Variants in DAB1 observed in about 807,000 individuals in gnomAD.
DAB1 encodes DAB adaptor protein 1.
Under a neutral mutation model 64.6 loss-of-function variants are expected in DAB1, and 15 were observed. The ratio of observed to expected loss-of-function variants is 0.23; its 90% CI spans 0.16 to 0.36. The LOEUF (loss-of-function observed/expected upper bound fraction) is 0.36. Among genes scored for constraint, DAB1 ranks in the 10% least tolerant of loss-of-function variants. The pLI, the probability that DAB1 is intolerant of heterozygous loss-of-function variation, is 1.00. For missense variants in DAB1, 596 were observed against 706.7 expected, an observed-to-expected ratio of 0.84 and a Z score of 1.78; for synonymous variants, 235 against 251.9, an observed-to-expected ratio of 0.93 and a Z score of 0.64.
chr1:58,062,053 AG>A (rs1169810033), intron 5 of DAB1, among the ~76,000 whole-genome samples: 1 of 152,262 alleles, frequency 6.6e-6, no homozygotes, highest in East Asian at 1.9e-4. Context: ...TTTAATGACT[AG>A]CCTTGGGCTA....
rs1558381415 is a variant in DAB1, at chr1:57,439,426, T to TTTTTGTTTTTTTTTG, written n.626-148261_626-148260insCAAAAAAAAACAAAA. On this transcript the variant is annotated intron_variant and non_coding_transcript_variant, in intron 7 of 20. Coordinates refer to the DAB1 transcript ENST00000485760. ...ATCAACTTGGTGATGAGGTTTTTTCTTTTTTTTTTTTTTTTTTTTTTGAGA... is the reference window on the plus strand; with the variant it reads ...ATCAACTTGGTGATGAGGTTTTTTCTTTTTGTTTTTTTTTGTTTTTTTTTTTTTTTTTTTTTGAGA... 5.3e-5 allele frequency among the ~76,000 whole-genome samples: 5 copies of TTTTTGTTTTTTTTTG among 94,850 alleles called. No individual in the cohort carries two copies. The East Asian group carries it at 8.3e-4, about 16-fold the overall frequency. 62.2% of individuals were successfully genotyped at this position (94,850 alleles called of 152,430 possible).
At chr1:57,615,613 T>C (rs865905578) in intron 7 of DAB1, among the ~76,000 whole-genome samples, 1 of 152,234 alleles carries the variant, frequency 6.6e-6, no homozygotes, top group Non-Finnish European at 1.5e-5. Flanking sequence ...GAAATGTTTG[T>C]AGCTAGGTGC....
intron 4 of DAB1, among the ~76,000 whole-genome samples, chr1:57,090,935 A>C (rs527787635): frequency 6.6e-6 from 1 of 152,164 alleles, no homozygotes; most frequent in Non-Finnish European, 1.5e-5. Context: ...TGCGTGCCAG[A>C]GATCTACGTT....
chr1:57,499,633 G>A (rs987218092), intron 7 of DAB1, among the ~76,000 whole-genome samples: 10 of 152,206 alleles, frequency 6.6e-5, no homozygotes, highest in Non-Finnish European at 2.9e-5. Flanking sequence ...AGGGAGGCAA[G>A]GAAGTTAAAA....
chr1:57,609,133 G>C (rs1286873155), intron 7 of DAB1, among the ~76,000 whole-genome samples: 1 of 152,098 alleles, frequency 6.6e-6, no homozygotes, highest in East Asian at 1.9e-4. Flanking sequence ...ATTTGCATTT[G>C]TAATCCCTGG....
chr1:57,131,204 G>C (rs546948295), intron 4 of DAB1, among the ~76,000 whole-genome samples: 1 of 152,218 alleles, frequency 6.6e-6, no homozygotes, highest in South Asian at 2.1e-4. Flanking sequence ...GTTCTAATTT[G>C]AATTCAATTT....
chr1:58,117,853 T>TA (rs1553161046), intron 5 of DAB1, among the ~76,000 whole-genome samples: 15 of 149,662 alleles, frequency 1.0e-4, no homozygotes, highest in South Asian at 2.1e-4. Flanking sequence ...TTTTTTTTTT[T>TA]ATATTTTTTT....
chr1:58,328,064 G>T (rs1280436345), intron 4 of DAB1, among the ~76,000 whole-genome samples: 4 of 152,150 alleles, frequency 2.6e-5, no homozygotes, highest in Non-Finnish European at 4.4e-5. Flanking sequence ...CAGCCCTGAT[G>T]GTCAATGCTT....
At chr1:57,160,191 G>T (rs543237871) in intron 2 of DAB1, among the ~76,000 whole-genome samples, 2 of 152,306 alleles carry the variant, frequency 1.3e-5, no homozygotes, top group Admixed American at 6.5e-5. Flanking sequence ...ATTACACTAG[G>T]TATATAATAG....
chr1:58,101,479 G>A (rs1205178760), intron 5 of DAB1, among the ~76,000 whole-genome samples: 1 of 152,134 alleles, frequency 6.6e-6, no homozygotes, highest in East Asian at 1.9e-4. Context: ...GGTACCTGGG[G>A]GGTAAGGGGA....
At chr1:58,296,249 G>GAA (rs1338621648) in intron 4 of DAB1, among the ~76,000 whole-genome samples, 1 of 145,838 alleles carries the variant, frequency 6.9e-6, no homozygotes, top group Non-Finnish European at 1.5e-5. Context: ...AAGAAAGAAA[G>GAA]AAAGAAAGAA....
chr1:58,190,808 G>A (rs949412121), intron 4 of DAB1, among the ~76,000 whole-genome samples: 1 of 152,220 alleles, frequency 6.6e-6, no homozygotes, highest in South Asian at 2.1e-4. Context: ...AAAGAGAAGC[G>A]CAGCCAGTGT....
At chr1:57,666,786 G>A (rs1646452662) in intron 6 of DAB1, among the ~76,000 whole-genome samples, 1 of 150,218 alleles carries the variant, frequency 6.7e-6, no homozygotes, top group Non-Finnish European at 1.5e-5. Flanking sequence ...GCAGTTTCCT[G>A]CAACTTATCA....
intron 5 of DAB1, among the ~76,000 whole-genome samples, chr1:58,118,666 G>A (rs2100667152): frequency 7.0e-6 from 1 of 143,824 alleles, no homozygotes; most frequent in Admixed American, 7.1e-5. Context: ...ACATATGAGT[G>A]TACATATATA....
intron 5 of DAB1, among the ~76,000 whole-genome samples, chr1:58,006,089 G>A (rs1646578609): frequency 6.6e-6 from 1 of 152,106 alleles, no homozygotes. Flanking sequence ...CAACTTCTCT[G>A]GGAGTCCCAC....
intron 3 of DAB1, among the ~76,000 whole-genome samples, chr1:58,392,399 T>C (rs1276821316): frequency 6.6e-6 from 1 of 152,172 alleles, no homozygotes; most frequent in Non-Finnish European, 1.5e-5. Flanking sequence ...CTCAGCGGGT[T>C]GACGTAGTAT....
chr1:57,053,140 T>C (rs1264063505), intron 9 of DAB1, among the ~76,000 whole-genome samples: 1 of 152,196 alleles, frequency 6.6e-6, no homozygotes, highest in Non-Finnish European at 1.5e-5. Flanking sequence ...ATAATGAATC[T>C]CAGAAAGTTG....
At chr1:58,372,501 T>A (rs1261226328) in intron 3 of DAB1, among the ~76,000 whole-genome samples, 1 of 152,108 alleles carries the variant, frequency 6.6e-6, no homozygotes, top group Non-Finnish European at 1.5e-5. Context: ...GACTTCTGAG[T>A]TACTGCTGGA....
intron 3 of DAB1, among the ~76,000 whole-genome samples, chr1:58,435,054 C>G (rs552830612): frequency 6.6e-6 from 1 of 152,314 alleles, no homozygotes; most frequent in Non-Finnish European, 1.5e-5. Flanking sequence ...GGACTTGCAT[C>G]TTTGAGAGTC....
Sources: allele counts gnomAD v4.1 joint callset (sites outside exome capture counted in the v4.1 genomes callset), GRCh38; gene constraint gnomAD v4.1.1; transcripts MANE v1.5; gene names NCBI Gene and HGNC (gene_info 2026-07-23, HGNC 2026-07-21).